PAX3: variants seen among roughly 807,000 people sequenced by gnomAD.
The protein encoded by PAX3 is paired box protein Pax-3.
A neutral mutation model predicts 51.6 loss-of-function variants in PAX3; 14 were observed. The observed-to-expected ratio is 0.27, with a 90% confidence interval of 0.18 to 0.42. PAX3 has a LOEUF of 0.42. PAX3 is among the 10% of genes least tolerant of loss of function. The pLI is 1.00. For synonymous variants in PAX3, 280 were observed against 253.4 expected (o/e 1.11, Z -1.00); for missense variants, 540 against 642.8 (o/e 0.84, Z 1.73).
intron 7 of PAX3, among the ~76,000 whole-genome samples, chr2:222,218,669 T>C (rs1048446071): frequency 3.5e-4 from 54 of 152,202 alleles, no homozygotes; most frequent in Admixed American, 1.4e-3. Context: ...TCTATCAATA[T>C]AAGTCCATGA....
chr2:222,260,170 T>C (rs1440355609), intron 4 of PAX3, among the ~76,000 whole-genome samples: 1 of 152,176 alleles, frequency 6.6e-6, no homozygotes, highest in Non-Finnish European at 1.5e-5. Flanking sequence ...CCACCATGCC[T>C]GGTCTGTTTA....
intron 4 of PAX3, among the ~76,000 whole-genome samples, chr2:222,288,923 T>C (rs938808187): frequency 1.3e-5 from 2 of 152,254 alleles, no homozygotes; most frequent in African/African-American, 2.4e-5. Context: ...CAATGGAAGA[T>C]GACCACTGAG....
chr2:222,295,947 G>C (rs1051297997), intron 2 of PAX3, among the ~76,000 whole-genome samples: 1 of 152,138 alleles, frequency 6.6e-6, no homozygotes, highest in Non-Finnish European at 1.5e-5. Flanking sequence ...GTAGGGTGGG[G>C]TTATACTTTC....
At chr2:222,214,631 T>G (rs1016177881) in intron 7 of PAX3, 3 of 152,096 alleles carry the variant, frequency 2.0e-5, no homozygotes, top group Non-Finnish European at 4.4e-5. Context: ...GAATGGTGGA[T>G]AAACTTGATG....
rs191594088 is a variant in PAX3, at chr2:222,285,132, A to T, written c.586+9035T>A. Among the ~76,000 whole-genome samples, 73 of 152,372 alleles carry T rather than the reference A, an allele frequency of 4.8e-4. No individual in the cohort carries two copies. In the East Asian group the frequency reaches 0.013, roughly 27 times the overall value. On this transcript the variant is annotated intron_variant, in intron 4 of 8. Coordinates refer to ENST00000392070, the MANE Select transcript of PAX3 (RefSeq NM_181458.4). ...AACCTATTGCTTTTCTTATAATAAA[A>T]TGAATTGGACCAATTAATTTTCTTT...
chr2:222,231,724 G>T (rs1269445453), intron 5 of PAX3, among the ~76,000 whole-genome samples: 2 of 152,164 alleles, frequency 1.3e-5, no homozygotes, highest in African/African-American at 4.8e-5. Flanking sequence ...TTTTAATAAT[G>T]ATTCAATGGG....
rs1297393421 is a variant in PAX3 at position 222,240,329 on chromosome 2, A to G, written c.587-8046T>C. ...CTGCCTCTGAAGTGCTGAGCTGCGC[A>G]GCCCCAAAGCCCCCCAACATCCTAA... On this transcript the variant is annotated intron_variant, in intron 4 of 8. Coordinates refer to ENST00000392070, the MANE Select transcript of PAX3 (RefSeq NM_181458.4). 5.9e-5 allele frequency among the ~76,000 whole-genome samples: 9 copies of G among 152,256 alleles called. No homozygotes were observed. The South Asian group carries it at 1.9e-3, about 32-fold the overall frequency.
intron 4 of PAX3, among the ~76,000 whole-genome samples, chr2:222,234,283 T>C (rs1692717216): frequency 6.6e-6 from 1 of 152,134 alleles, no homozygotes; most frequent in Admixed American, 6.5e-5. Context: ...TCTAATTTAA[T>C]ATAAAATTAT....
intron 7 of PAX3, among the ~76,000 whole-genome samples, chr2:222,210,758 C>T (rs1264608412): frequency 1.3e-5 from 2 of 152,156 alleles, no homozygotes; most frequent in Admixed American, 6.6e-5. Flanking sequence ...AAGTAGAATA[C>T]TTGAAAATAC....
chr2:222,206,879 C>CA (rs1371108610), intron 7 of PAX3, among the ~76,000 whole-genome samples: 7 of 152,202 alleles, frequency 4.6e-5, no homozygotes, highest in Middle Eastern at 3.4e-3. Context: ...TTATGGTGCA[C>CA]ATCCAGGCGC....
chr2:222,224,391 G>A (rs925424645), intron 5 of PAX3, among the ~76,000 whole-genome samples: 3 of 152,156 alleles, frequency 2.0e-5, no homozygotes, highest in African/African-American at 7.2e-5. Context: ...TGGCCTGCCT[G>A]TCTCTGGTCA....
At chr2:222,226,284 T>A (rs1267839144) in intron 5 of PAX3, among the ~76,000 whole-genome samples, 1 of 152,198 alleles carries the variant, frequency 6.6e-6, no homozygotes, top group Non-Finnish European at 1.5e-5. Flanking sequence ...GCTGCTCATT[T>A]CCCTGGACCT....
intron 4 of PAX3, among the ~76,000 whole-genome samples, chr2:222,284,177 C>A (rs1283242398): frequency 6.6e-6 from 1 of 152,158 alleles, no homozygotes; most frequent in Non-Finnish European, 1.5e-5. Flanking sequence ...ACCTCACGTG[C>A]AGAGCTATAA....
chr2:222,260,569 T>G (rs1466280672), intron 4 of PAX3, among the ~76,000 whole-genome samples: 167 of 74,660 alleles, frequency 2.2e-3, no homozygotes, highest in African/African-American at 7.6e-3. Flanking sequence ...TTTTTTGTTT[T>G]TTTTTTTTGT....
chr2:222,276,526 A>C (rs1410112041), intron 4 of PAX3, among the ~76,000 whole-genome samples: 1 of 152,148 alleles, frequency 6.6e-6, no homozygotes, highest in Non-Finnish European at 1.5e-5. Flanking sequence ...TACCTTCTAC[A>C]AGTCTGCTGA....
chr2:222,217,246 G>A (rs1012482233), intron 7 of PAX3, among the ~76,000 whole-genome samples: 1 of 151,920 alleles, frequency 6.6e-6, no homozygotes, highest in Admixed American at 6.6e-5. Context: ...TTTAATATGA[G>A]GAGAAGATAG....
chr2:222,253,567 G>T (rs1435356463), intron 4 of PAX3, among the ~76,000 whole-genome samples: 1 of 150,226 alleles, frequency 6.7e-6, no homozygotes, highest in Admixed American at 6.7e-5. Context: ...CATACATTTA[G>T]ACATACGTTT....
At chr2:222,268,246 C>T (rs1686081550) in intron 4 of PAX3, among the ~76,000 whole-genome samples, 1 of 152,176 alleles carries the variant, frequency 6.6e-6, no homozygotes, top group Admixed American at 6.5e-5. Context: ...CATGTATGTG[C>T]GTGCCTGGGT....
At chr2:222,248,046 A>G (rs867400059) in intron 4 of PAX3, among the ~76,000 whole-genome samples, 2 of 152,212 alleles carry the variant, frequency 1.3e-5, no homozygotes, top group Non-Finnish European at 2.9e-5. Flanking sequence ...ATGCATTAAA[A>G]TGTCCTCTGG....
Sources: gnomAD v4.1 joint callset for allele counts (sites outside exome capture counted in the v4.1 genomes callset) on GRCh38, gnomAD v4.1.1 for gene constraint, MANE v1.5 for transcripts, NCBI Gene and HGNC (gene_info 2026-07-23, HGNC 2026-07-21) for gene names.